Variants in RGPD2 observed in about 807,000 individuals in gnomAD.
RGPD2 encodes RANBP2-like and GRIP domain-containing protein 2.
RGPD2 carries 2 observed loss-of-function variants against 36.0 expected under a neutral mutation model. The ratio of observed to expected loss-of-function variants is 0.06; its 90% CI spans 0.02 to 0.17. The LOEUF is 0.17. Ranked by LOEUF, RGPD2 falls within the 10% of genes least tolerant of loss-of-function variation. The pLI is 1.00. For missense variants in RGPD2, 40 were observed against 464.3 expected (o/e 0.09, Z 8.40); for synonymous variants, 19 against 163.8 (o/e 0.12, Z 6.75).
chr2:87,973,443 C>T, the RGPD2 span, among the ~76,000 whole-genome samples: 1 of 134,378 alleles, frequency 7.4e-6, no homozygotes, highest in Non-Finnish European at 1.7e-5. Context: ...AGGTCTTTCC[C>T]ATGGGGCTGT....
At chr2:87,973,151 C>T in the RGPD2 span, 9,417 of 1,578,636 alleles carry the variant, frequency 6.0e-3, 28 homozygotes, top group Middle Eastern at 0.012. Context: ...TGTTCCTCCT[C>T]ATCCAGCTGC....
chr2:87,937,375 A>T, the RGPD2 span, among the ~76,000 whole-genome samples: 2 of 151,798 alleles, frequency 1.3e-5, no homozygotes, highest in Admixed American at 1.3e-4. Context: ...GGCCATAAAG[A>T]CTATTACTGG....
chr2:87,826,230 T>G (rs898377266), upstream of RGPD2, among the ~76,000 whole-genome samples: 4 of 151,942 alleles, frequency 2.6e-5, no homozygotes, highest in Admixed American at 6.6e-5. Flanking sequence ...GAAATTCAAA[T>G]GGAAATCTGA....
the RGPD2 span, chr2:87,986,054 G>A: frequency 3.3e-6 from 2 of 614,906 alleles, no homozygotes; most frequent in Admixed American, 3.1e-5. Flanking sequence ...GAGCCAATGA[G>A]ATGCAAGCAT....
intron 1 of RGPD2, among the ~76,000 whole-genome samples, chr2:87,822,199 A>G (rs1686400612): frequency 1.3e-5 from 2 of 152,218 alleles, no homozygotes; most frequent in South Asian, 2.1e-4. Context: ...CCCCTGGAAC[A>G]TAAGGGTAAG....
At chr2:87,825,909 T>G (rs950971844), upstream of RGPD2, 14 of 756,904 alleles carry the variant, frequency 1.8e-5, no homozygotes, top group Admixed American at 1.6e-4. Flanking sequence ...CGAGCTGCAC[T>G]CGGCCGGGCT....
At chr2:87,873,672 G>A in the RGPD2 span, among the ~76,000 whole-genome samples, 2 of 151,890 alleles carry the variant, frequency 1.3e-5, no homozygotes, top group African/African-American at 2.4e-5. Context: ...GAATGGCTTG[G>A]GAGGCCTCAC....
At chr2:87,923,474 C>T in the RGPD2 span, among the ~76,000 whole-genome samples, 1 of 152,170 alleles carries the variant, frequency 6.6e-6, no homozygotes, top group Admixed American at 6.6e-5. Flanking sequence ...TAACTTGAAA[C>T]ATGGTGTTTT....
At position 87,825,480 on chromosome 2, in the gene RGPD2, C is replaced by T. The variant is rs1410324272; in HGVS notation, c.72+178G>A. Among the ~76,000 whole-genome samples, 5 of 114,176 alleles carry T rather than the reference C, an allele frequency of 4.4e-5. 1 individual carries two copies. Among genetic ancestry groups the T allele is most frequent in the Admixed American group, 8.4e-5 (1 of 11,886 alleles). 74.9% of individuals were successfully genotyped at this position (114,176 alleles called of 152,430 possible). A position where few individuals can be genotyped will look rare whatever the true frequency, so the allele number is the denominator to read the frequency against. On this transcript the variant is annotated intron_variant, in intron 1 of 22. Coordinates refer to ENST00000398146, the MANE Select transcript of RGPD2 (RefSeq NM_001078170.3). Reference sequence around the variant, plus strand: ...AGGCCGAGGCCGAGGCCGCCGTCGCCGCCGCCGCCGCCCGGCCGAGGCCGA... The same window carrying T: ...AGGCCGAGGCCGAGGCCGCCGTCGCTGCCGCCGCCGCCCGGCCGAGGCCGA...
At chr2:87,857,654 C>A in the RGPD2 span, among the ~76,000 whole-genome samples, 3 of 151,442 alleles carry the variant, frequency 2.0e-5, no homozygotes, top group Non-Finnish European at 4.4e-5. Context: ...AAATAGTAGT[C>A]GAGGCTAGGC....
At chr2:87,781,464 G>GTTTTTTTTTT (rs879124297) in intron 20 of RGPD2, among the ~76,000 whole-genome samples, 3 of 112,614 alleles carry the variant, frequency 2.7e-5, no homozygotes, top group African/African-American at 6.9e-5. Flanking sequence ...TTGTTTTTTT[G>GTTTTTTTTTT]TTTTTTTTTT....
At chr2:87,897,429 C>T in the RGPD2 span, among the ~76,000 whole-genome samples, 1,057 of 149,260 alleles carry the variant, frequency 7.1e-3, no homozygotes, top group African/African-American at 0.025. Context: ...CTATCAGGTT[C>T]TCGAGGCACA....
At chr2:87,871,635 G>A in the RGPD2 span, among the ~76,000 whole-genome samples, 21 of 152,176 alleles carry the variant, frequency 1.4e-4, no homozygotes, top group African/African-American at 5.1e-4. Flanking sequence ...GGAGGCCAAA[G>A]TGGGCAGATT....
chr2:87,863,591 T>C, the RGPD2 span, among the ~76,000 whole-genome samples: 3 of 152,154 alleles, frequency 2.0e-5, no homozygotes, highest in Non-Finnish European at 4.4e-5. Context: ...TAGTTTGAAA[T>C]ACCAGCCTTG....
chr2:87,975,765 G>A, the RGPD2 span, among the ~76,000 whole-genome samples: 1 of 150,874 alleles, frequency 6.6e-6, no homozygotes, highest in Non-Finnish European at 1.5e-5. Context: ...TCTCCCAGAA[G>A]CCTTCATCTG....
the RGPD2 span, among the ~76,000 whole-genome samples, chr2:87,929,520 T>TG: frequency 1.3e-5 from 2 of 150,174 alleles, no homozygotes; most frequent in African/African-American, 2.5e-5. Context: ...TGTGTGTGTG[T>TG]TTTGCTTAGG....
At chr2:87,781,470 T>G (rs933538639) in intron 20 of RGPD2, among the ~76,000 whole-genome samples, 20 of 139,298 alleles carry the variant, frequency 1.4e-4, no homozygotes, top group Middle Eastern at 3.6e-3. Flanking sequence ...TTTTGTTTTT[T>G]TTTTTTTTTT....
At chr2:87,932,780 C>T in the RGPD2 span, among the ~76,000 whole-genome samples, 21 of 152,032 alleles carry the variant, frequency 1.4e-4, no homozygotes, top group Admixed American at 8.5e-4. Context: ...TTTTAGCGCC[C>T]GATTCCTTCT....
At chr2:87,898,538 GT>G in the RGPD2 span, among the ~76,000 whole-genome samples, 74 of 129,414 alleles carry the variant, frequency 5.7e-4, 1 homozygote, top group African/African-American at 2.1e-3. Flanking sequence ...TAGGTTCTGT[GT>G]TCCTACCCAA....
Sources: gnomAD v4.1 joint callset for allele counts (sites outside exome capture counted in the v4.1 genomes callset) on GRCh38, gnomAD v4.1.1 for gene constraint, MANE v1.5 for transcripts, NCBI Gene and HGNC (gene_info 2026-07-23, HGNC 2026-07-21) for gene names.